Variants in MCTP1 observed in about 807,000 individuals in gnomAD.
MCTP1 encodes multiple C2 and transmembrane domain containing 1, also known as multiple C2 and transmembrane domain-containing protein 1.
Under a neutral mutation model 120.6 loss-of-function variants are expected in MCTP1, and 69 were observed. That is an observed-to-expected ratio of 0.57 (90% CI 0.47 to 0.70). The LOEUF is 0.70. MCTP1 is among the 30% of genes least tolerant of loss of function. The pLI is 0.00. For synonymous variants in MCTP1, 529 were observed against 493.1 expected (o/e 1.07, Z -0.96); for missense variants, 1,203 against 1,248.8 (o/e 0.96, Z 0.55).
chr5:95,018,991 G>T (rs942545344), intron 1 of MCTP1, among the ~76,000 whole-genome samples: 8 of 151,872 alleles, frequency 5.3e-5, no homozygotes, highest in African/African-American at 1.9e-4. Context: ...ATATAGGTTT[G>T]GTTTTTTGTG....
intron 1 of MCTP1, among the ~76,000 whole-genome samples, chr5:95,130,835 G>A (rs1378304350): frequency 6.6e-6 from 1 of 152,108 alleles, no homozygotes; most frequent in Non-Finnish European, 1.5e-5. Flanking sequence ...AAGTGCTGGG[G>A]GTTAGGACTT....
intron 9 of MCTP1, 122 bp downstream of exon 9, chr5:94,912,684 G>T (rs1809047831): frequency 1.4e-6 from 1 of 716,160 alleles, no homozygotes; most frequent in East Asian, 3.2e-5. Context: ...TTCTGACATG[G>T]TGTTCAAAAG....
intron 1 of MCTP1, among the ~76,000 whole-genome samples, chr5:95,051,650 A>G (rs1010742899): frequency 6.6e-6 from 1 of 152,220 alleles, no homozygotes; most frequent in African/African-American, 2.4e-5. Context: ...AATAAAATAT[A>G]TATTTGAGAT....
intron 1 of MCTP1, among the ~76,000 whole-genome samples, chr5:95,140,908 C>T (rs1239352636): frequency 7.2e-6 from 1 of 139,806 alleles, no homozygotes; most frequent in Non-Finnish European, 1.5e-5. Context: ...AAAAAAAGTG[C>T]CATTTAACGA....
intron 19 of MCTP1, among the ~76,000 whole-genome samples, chr5:94,736,681 A>AT (rs1423229592): frequency 6.6e-6 from 1 of 152,128 alleles, no homozygotes; most frequent in Non-Finnish European, 1.5e-5. Flanking sequence ...TTGCATGCAT[A>AT]TTTTAAATGA....
At chr5:95,180,969 T>G (rs909152751) in intron 1 of MCTP1, among the ~76,000 whole-genome samples, 1 of 152,200 alleles carries the variant, frequency 6.6e-6, no homozygotes, top group Non-Finnish European at 1.5e-5. Flanking sequence ...GGATATACCC[T>G]GAAGCTGACC....
At chr5:94,799,420 G>C (rs1561656834) in intron 17 of MCTP1, among the ~76,000 whole-genome samples, 1 of 152,062 alleles carries the variant, frequency 6.6e-6, no homozygotes, top group African/African-American at 2.4e-5. Flanking sequence ...TGAAATTATT[G>C]TTAAGTTGAA....
At position 94,704,856 on chromosome 5, in the gene MCTP1, G is replaced by A. The variant is rs899310332; in HGVS notation, c.*2640C>T. The A allele has an allele frequency of 2.0e-5, 3 of 150,898 alleles. No individual in the cohort carries two copies. Among genetic ancestry groups the A allele is most frequent in the African/African-American group, 7.3e-5 (3 of 41,246 alleles). The allele number at this position is 150,898 out of a possible 1,614,324, so 9.3% of individuals were successfully genotyped here. The stretch of plus-strand genomic sequence containing the variant: ...CATTCTATATGCACTAGGATAATCT[G>A]AGTTGGGAGATTCAATCAATCAATC... On this transcript the variant is annotated 3_prime_UTR_variant, in exon 23 of 23. Coordinates refer to ENST00000515393, the MANE Select transcript of MCTP1 (RefSeq NM_024717.7).
intron 1 of MCTP1, among the ~76,000 whole-genome samples, chr5:95,138,776 C>A (rs1759661242): frequency 6.6e-6 from 1 of 152,172 alleles, no homozygotes; most frequent in Admixed American, 6.5e-5. Context: ...TTTCTTTGTG[C>A]ATTTAGGGTG....
intron 1 of MCTP1, among the ~76,000 whole-genome samples, chr5:95,062,837 A>G (rs1749617955): frequency 6.6e-6 from 1 of 151,834 alleles, no homozygotes; most frequent in African/African-American, 2.4e-5. Context: ...GTTTTTTTTG[A>G]AATAGGGTCT....
At chr5:94,823,394 T>C (rs1042654342) in intron 17 of MCTP1, among the ~76,000 whole-genome samples, 20 of 152,214 alleles carry the variant, frequency 1.3e-4, no homozygotes, top group African/African-American at 4.8e-4. Flanking sequence ...TTCTGTTCCA[T>C]TGATCTATAT....
At chr5:95,194,676 G>A (rs1489005821) in intron 1 of MCTP1, among the ~76,000 whole-genome samples, 3 of 152,196 alleles carry the variant, frequency 2.0e-5, no homozygotes, top group African/African-American at 4.8e-5. Context: ...TGACACCCAC[G>A]TGAAAGAAAA....
intron 17 of MCTP1, among the ~76,000 whole-genome samples, chr5:94,817,277 G>A (rs1297258972): frequency 2.6e-5 from 4 of 152,016 alleles, no homozygotes; most frequent in Admixed American, 2.0e-4. Flanking sequence ...GTGGCATGCC[G>A]CATGCCTGTA....
intron 17 of MCTP1, among the ~76,000 whole-genome samples, chr5:94,864,498 C>T (rs536711900): frequency 3.9e-5 from 6 of 151,920 alleles, no homozygotes; most frequent in African/African-American, 1.4e-4. Flanking sequence ...ATTAATTTTG[C>T]GACATACATA....
chr5:94,924,101 C>T, intron 6 of MCTP1, 80 bp from the exon 7 acceptor site: 1 of 864,212 alleles, frequency 1.2e-6, no homozygotes, highest in Non-Finnish European at 1.7e-6. Flanking sequence ...CAAATAAAAT[C>T]AAAGCAAATA....
chr5:94,971,620 A>G (rs1826899710), intron 2 of MCTP1, among the ~76,000 whole-genome samples: 1 of 152,178 alleles, frequency 6.6e-6, no homozygotes, highest in Non-Finnish European at 1.5e-5. Context: ...CAGAGTTGTT[A>G]TAAATTCAAT....
intron 1 of MCTP1, among the ~76,000 whole-genome samples, chr5:95,239,742 G>T (rs558601994): frequency 6.6e-6 from 1 of 152,268 alleles, no homozygotes; most frequent in African/African-American, 2.4e-5. Flanking sequence ...TGAGAGGGTG[G>T]AAAGAGGTGA....
In MCTP1 at chr5:94,873,210, C is replaced by T. The variant is rs200911443; in HGVS notation, c.1965G>A (p.Leu655=). ...TATGTGTTAGCAGTCTATCGTTGTTCAGTTCTACCACACAAAATGGGTCAC... is the reference window on the plus strand; with the variant it reads ...TATGTGTTAGCAGTCTATCGTTGTTTAGTTCTACCACACAAAATGGGTCAC... ...GKSDPFCVVE[L]NNDRLLTHTV... Residue 655 remains leucine, a synonymous_variant, in exon 13 of 23, where the codon CTG becomes CTA. Transcript: ENST00000515393. 7 of 1,610,204 alleles carry T rather than the reference C, an allele frequency of 4.3e-6. No homozygotes were observed. Among genetic ancestry groups the T allele is most frequent in the Non-Finnish European group, 5.9e-6 (7 of 1,177,200 alleles).
At chr5:94,799,550 G>A (rs552838108) in intron 17 of MCTP1, among the ~76,000 whole-genome samples, 8 of 152,042 alleles carry the variant, frequency 5.3e-5, no homozygotes, top group South Asian at 2.1e-4. Flanking sequence ...AAAAAATCTC[G>A]CTTGGATAAT....
Sources: gnomAD v4.1 joint callset for allele counts (sites outside exome capture counted in the v4.1 genomes callset) on GRCh38, gnomAD v4.1.1 for gene constraint, MANE v1.5 for transcripts, NCBI Gene and HGNC (gene_info 2026-07-23, HGNC 2026-07-21) for gene names.